LRP12: variants seen among roughly 807,000 people sequenced by gnomAD.
LRP12 encodes low-density lipoprotein receptor-related protein 12.
A neutral mutation model predicts 66.0 loss-of-function variants in LRP12; 14 were observed. That is an observed-to-expected ratio of 0.21 (90% CI 0.14 to 0.33). LRP12 has a LOEUF of 0.33. Ranked by LOEUF, LRP12 falls within the 10% of genes least tolerant of loss-of-function variation. The pLI is 1.00. For missense variants in LRP12, 889 were observed against 1,053.4 expected (o/e 0.84, Z 2.16); for synonymous variants, 357 against 359.1 (o/e 0.99, Z 0.07).
At chr8:104,532,784 T>C (rs930887712) in intron 1 of LRP12, among the ~76,000 whole-genome samples, 4 of 152,166 alleles carry the variant, frequency 2.6e-5, no homozygotes, top group Non-Finnish European at 5.9e-5. Flanking sequence ...TTGAATATTG[T>C]ATTGCACCCC....
At chr8:104,513,201 T>A (rs1811022424) in intron 2 of LRP12, among the ~76,000 whole-genome samples, 1 of 152,196 alleles carries the variant, frequency 6.6e-6, no homozygotes, top group African/African-American at 2.4e-5. Flanking sequence ...AATTTTTAAC[T>A]CCCTTTTGGG....
intron 2 of LRP12, 93 bp downstream of exon 2, chr8:104,531,814 T>C (rs1811328275): frequency 2.5e-6 from 2 of 798,762 alleles, no homozygotes; most frequent in Admixed American, 2.6e-5. Flanking sequence ...ATAATTTTTA[T>C]AGCCAAATAT....
At chr8:104,531,610 T>C (rs529719449) in intron 2 of LRP12, among the ~76,000 whole-genome samples, 1 of 152,230 alleles carries the variant, frequency 6.6e-6, no homozygotes, top group East Asian at 1.9e-4. Context: ...CACATAACTT[T>C]GTATGGAAAG....
chr8:104,526,400 C>A (rs1318390801), intron 2 of LRP12, among the ~76,000 whole-genome samples: 4 of 150,876 alleles, frequency 2.7e-5, no homozygotes, highest in African/African-American at 9.7e-5. Context: ...AAGAACAAAG[C>A]TGGAGGCATC....
At chr8:104,511,068 T>TCTCA (rs1810988530) in intron 2 of LRP12, among the ~76,000 whole-genome samples, 2 of 124,612 alleles carry the variant, frequency 1.6e-5, no homozygotes, top group Non-Finnish European at 3.2e-5. Context: ...TGAGATAGAG[T>TCTCA]CTCACTCTGT....
intron 6 of LRP12, among the ~76,000 whole-genome samples, chr8:104,492,526 T>C (rs1810651985): frequency 6.6e-6 from 1 of 152,186 alleles, no homozygotes; most frequent in Non-Finnish European, 1.5e-5. Context: ...TCTCCTTCAG[T>C]TGATGATACC....
At chr8:104,491,590 T>TTA (rs1554705774) in intron 6 of LRP12, 51 bp from the exon 7 acceptor site, 10 of 819,372 alleles carry the variant, frequency 1.2e-5, no homozygotes, top group South Asian at 5.0e-5. Flanking sequence ...GGTACTAAGA[T>TTA]AAAAAAAAAA....
At chr8:104,582,637 C>T (rs1812269939) in intron 1 of LRP12, among the ~76,000 whole-genome samples, 1 of 152,108 alleles carries the variant, frequency 6.6e-6, no homozygotes, top group African/African-American at 2.4e-5. Context: ...AAATGACTGC[C>T]CTCAGAACTG....
intron 1 of LRP12, among the ~76,000 whole-genome samples, chr8:104,552,350 T>A (rs1037595699): frequency 1.3e-5 from 2 of 150,234 alleles, no homozygotes; most frequent in African/African-American, 5.0e-5. Flanking sequence ...ATCTAATAAA[T>A]GTATAAATAT....
intron 1 of LRP12, among the ~76,000 whole-genome samples, chr8:104,559,058 AAAG>A (rs1429209864): frequency 6.6e-6 from 1 of 152,230 alleles, no homozygotes; most frequent in African/African-American, 2.4e-5. Context: ...GAGATTACTT[AAAG>A]AACTACAAGT....
intron 1 of LRP12, among the ~76,000 whole-genome samples, chr8:104,552,470 G>A (rs535004680): frequency 7.6e-4 from 115 of 151,540 alleles, no homozygotes; most frequent in Non-Finnish European, 1.6e-3. Flanking sequence ...GGGAGTTCGA[G>A]ACCAGCCTGA....
chr8:104,549,549 C>T (rs1811695399), intron 1 of LRP12, among the ~76,000 whole-genome samples: 3 of 151,858 alleles, frequency 2.0e-5, no homozygotes, highest in Admixed American at 6.6e-5. Context: ...ACTACAGGCG[C>T]CTGCCACCGC....
At chr8:104,568,998 T>C (rs1812042209) in intron 1 of LRP12, among the ~76,000 whole-genome samples, 1 of 152,166 alleles carries the variant, frequency 6.6e-6, no homozygotes, top group African/African-American at 2.4e-5. Context: ...TTATTCATAA[T>C]AGTCCCAAAG....
chr8:104,585,736 C>G (rs1355121144), intron 1 of LRP12, among the ~76,000 whole-genome samples: 1 of 151,994 alleles, frequency 6.6e-6, no homozygotes, highest in African/African-American at 2.4e-5. Context: ...TACATAGTAC[C>G]CGAAGCAATG....
chr8:104,516,283 G>A (rs924689174), intron 2 of LRP12, among the ~76,000 whole-genome samples: 1 of 151,870 alleles, frequency 6.6e-6, no homozygotes, highest in South Asian at 2.1e-4. Flanking sequence ...GAACCTACAG[G>A]CTATCTGACT....
At chr8:104,578,813 C>G (rs1397348235) in intron 1 of LRP12, among the ~76,000 whole-genome samples, 1 of 152,054 alleles carries the variant, frequency 6.6e-6, no homozygotes, top group Non-Finnish European at 1.5e-5. Flanking sequence ...ATAAAGAGAG[C>G]TAAAGACAAA....
intron 1 of LRP12, among the ~76,000 whole-genome samples, chr8:104,571,701 A>C (rs1351742355): frequency 6.6e-6 from 1 of 152,212 alleles, no homozygotes; most frequent in African/African-American, 2.4e-5. Context: ...GCAGTGTGAA[A>C]ACAGACTAAT....
Position 104,588,931 on chromosome 8 carries a change from G to C in LRP12, c.-34C>G. Reference sequence around the variant, plus strand: ...CAGATGGAGAGAGAGAGGAGGAGACGGAGGAGGAGGGAGGAGAAGCTGGAG... The same window carrying C: ...CAGATGGAGAGAGAGAGGAGGAGACCGAGGAGGAGGGAGGAGAAGCTGGAG... On this transcript the variant is annotated 5_prime_UTR_variant, in exon 1 of 7. Coordinates refer to ENST00000276654, the MANE Select transcript of LRP12 (RefSeq NM_013437.5). 6.7e-7 allele frequency: 1 copy of C among 1,482,930 alleles called. No homozygotes were observed. Among genetic ancestry groups the C allele is most frequent in the Non-Finnish European group, 9.2e-7 (1 of 1,087,552 alleles). The allele number at this position is 1,482,930 out of a possible 1,614,324, so 91.9% of individuals were successfully genotyped here.
chr8:104,498,617 A>C (rs551368543), intron 4 of LRP12, among the ~76,000 whole-genome samples: 1 of 152,018 alleles, frequency 6.6e-6, no homozygotes, highest in South Asian at 2.1e-4. Context: ...CATTTTCTTT[A>C]CCCAGTCTAT....
Sources: allele counts gnomAD v4.1 joint callset (sites outside exome capture counted in the v4.1 genomes callset), GRCh38; gene constraint gnomAD v4.1.1; transcripts MANE v1.5; gene names NCBI Gene and HGNC (gene_info 2026-07-23, HGNC 2026-07-21).